The following AKAP7 variants were observed in gnomAD, a reference collection of about 807,000 sequenced individuals.
AKAP7 encodes A-kinase anchoring protein 7, also known as A kinase (PRKA) anchor protein 7.
A neutral mutation model predicts 39.5 loss-of-function variants in AKAP7; 39 were observed. That is an observed-to-expected ratio of 0.99 (90% CI 0.76 to 1.29). The LOEUF is 1.29. Among genes scored for constraint, AKAP7 ranks in the 50% most tolerant of loss-of-function variants. AKAP7 has a pLI of 0.00. For missense variants in AKAP7, 414 were observed against 407.7 expected, an observed-to-expected ratio of 1.02 and a Z score of -0.13; for synonymous variants, 140 against 139.1, an observed-to-expected ratio of 1.01 and a Z score of -0.05.
At chr6:131,191,242 A>T (rs535925808) in intron 5 of AKAP7, among the ~76,000 whole-genome samples, 5 of 152,324 alleles carry the variant, frequency 3.3e-5, no homozygotes, top group Admixed American at 3.3e-4. Flanking sequence ...CATAAAAGTG[A>T]CAGTTTTGTA....
At chr6:131,216,154 G>T (rs1338578152) in intron 6 of AKAP7, among the ~76,000 whole-genome samples, 2 of 152,066 alleles carry the variant, frequency 1.3e-5, no homozygotes, top group African/African-American at 4.8e-5. Context: ...GACCACAAAA[G>T]GTTTGTCATA....
upstream of AKAP7, among the ~76,000 whole-genome samples, chr6:131,132,314 GAA>G (rs11307437): frequency 9.3e-4 from 134 of 143,374 alleles, no homozygotes; most frequent in South Asian, 6.3e-3. Flanking sequence ...TTCCGTCTCA[GAA>G]AAAAAAAAAA....
chr6:131,192,672 G>A (rs774570756), intron 5 of AKAP7, among the ~76,000 whole-genome samples: 4 of 152,146 alleles, frequency 2.6e-5, no homozygotes, highest in Non-Finnish European at 5.9e-5. Context: ...ATTGCTTTGG[G>A]TAGTTTGGAC....
At chr6:131,250,427 T>A in intron 7 of AKAP7, 1 of 1,479,576 alleles carries the variant, frequency 6.8e-7, no homozygotes, top group South Asian at 1.4e-5. Flanking sequence ...CGGCGGCGTG[T>A]GCATTGGCTC....
At chr6:131,153,388 A>G (rs918812005) in intron 2 of AKAP7, among the ~76,000 whole-genome samples, 1 of 152,246 alleles carries the variant, frequency 6.6e-6, no homozygotes, top group Admixed American at 6.5e-5. Flanking sequence ...AAAATTATAG[A>G]AAACTAAATA....
chr6:131,199,150 A>G (rs918317421), intron 5 of AKAP7, among the ~76,000 whole-genome samples: 3 of 152,190 alleles, frequency 2.0e-5, no homozygotes, highest in African/African-American at 7.2e-5. Flanking sequence ...AACCACTGGA[A>G]TGTTCTGTGA....
At chr6:131,231,801 A>G (rs899865358) in intron 7 of AKAP7, among the ~76,000 whole-genome samples, 5 of 152,206 alleles carry the variant, frequency 3.3e-5, no homozygotes, top group African/African-American at 1.2e-4. Flanking sequence ...GACTTGCTAA[A>G]TACTCTAATT....
chr6:131,250,489 A>T, intron 7 of AKAP7: 1 of 1,605,746 alleles, frequency 6.2e-7, no homozygotes. Context: ...GTGTGCTCGC[A>T]GACTGTGCTA....
intron 7 of AKAP7, among the ~76,000 whole-genome samples, chr6:131,251,968 A>T (rs1413072138): frequency 6.6e-6 from 1 of 152,174 alleles, no homozygotes; most frequent in Non-Finnish European, 1.5e-5. Flanking sequence ...CGATGCAGGG[A>T]TAGTGAATTC....
intron 2 of AKAP7, among the ~76,000 whole-genome samples, chr6:131,145,794 T>C (rs926559556): frequency 6.6e-6 from 1 of 152,180 alleles, no homozygotes; most frequent in Non-Finnish European, 1.5e-5. Context: ...GCTCAAGCCA[T>C]CCTCCTGCCT....
chr6:131,268,431 C>T lies in AKAP7; in HGVS notation c.851-13099C>T, dbSNP rs116677350. Among the ~76,000 whole-genome samples the T allele has an allele frequency of 1.5e-3, 235 of 152,176 alleles. 3 individuals are homozygous for T. Among genetic ancestry groups the T allele is most frequent in the African/African-American group, 5.0e-3 (209 of 41,488 alleles). On this transcript the variant is annotated intron_variant, in intron 7 of 7. Coordinates refer to ENST00000431975, the MANE Select transcript of AKAP7 (RefSeq NM_016377.4). Reference sequence around the variant, plus strand: ...TGATAACCAAATGCAATAATGTTTCCGAAAACACTTTGGAAAGTATGAAGT... The same window carrying T: ...TGATAACCAAATGCAATAATGTTTCTGAAAACACTTTGGAAAGTATGAAGT...
At chr6:131,185,938 T>C (rs1229520547) in intron 5 of AKAP7, among the ~76,000 whole-genome samples, 3 of 152,250 alleles carry the variant, frequency 2.0e-5, no homozygotes, top group African/African-American at 7.2e-5. Context: ...TTAAGAGTCT[T>C]ATAATTTTAA....
At chr6:131,149,491 G>A (rs1801741610) in intron 2 of AKAP7, among the ~76,000 whole-genome samples, 1 of 151,916 alleles carries the variant, frequency 6.6e-6, no homozygotes, top group Non-Finnish European at 1.5e-5. Flanking sequence ...AAAAATTAGC[G>A]GGGCATGGTG....
At chr6:131,168,426 GA>G (rs150677924) in intron 4 of AKAP7, among the ~76,000 whole-genome samples, 4,908 of 151,692 alleles carry the variant, frequency 0.032, 268 homozygotes, top group African/African-American at 0.11. Flanking sequence ...AAGAGAGAAA[GA>G]GACAGAAGGA....
intron 4 of AKAP7, among the ~76,000 whole-genome samples, chr6:131,167,317 C>G (rs1803603177): frequency 6.6e-6 from 1 of 152,110 alleles, no homozygotes; most frequent in Non-Finnish European, 1.5e-5. Flanking sequence ...ATTTATACTA[C>G]TAGAGAACTG....
intron 7 of AKAP7, among the ~76,000 whole-genome samples, chr6:131,226,904 G>A (rs774877807): frequency 1.3e-5 from 2 of 152,104 alleles, no homozygotes; most frequent in African/African-American, 2.4e-5. Context: ...GAACATGTAC[G>A]ATGTGCCTAC....
chr6:131,261,660 G>A (rs1813351054), intron 7 of AKAP7, among the ~76,000 whole-genome samples: 1 of 152,094 alleles, frequency 6.6e-6, no homozygotes, highest in Admixed American at 6.6e-5. Context: ...GACATAAATT[G>A]TTTTATGGAG....
chr6:131,211,641 C>T (rs548646969), intron 6 of AKAP7, among the ~76,000 whole-genome samples: 38 of 151,284 alleles, frequency 2.5e-4, no homozygotes, highest in African/African-American at 8.0e-4. Context: ...GGTATGGTGG[C>T]GGACACCTGT....
chr6:131,268,558 C>T (rs1814006745), intron 7 of AKAP7, among the ~76,000 whole-genome samples: 1 of 152,130 alleles, frequency 6.6e-6, no homozygotes, highest in Non-Finnish European at 1.5e-5. Flanking sequence ...TTTGGTGTGT[C>T]CTTACTGCTT....
Sources: allele counts gnomAD v4.1 joint callset (sites outside exome capture counted in the v4.1 genomes callset), GRCh38; gene constraint gnomAD v4.1.1; transcripts MANE v1.5; gene names NCBI Gene and HGNC (gene_info 2026-07-23, HGNC 2026-07-21).